The following CLVS1 variants were observed in gnomAD, a reference collection of about 807,000 sequenced individuals.
The protein encoded by CLVS1 is clavesin-1.
CLVS1 carries 10 observed loss-of-function variants against 33.1 expected under a neutral mutation model. That is an observed-to-expected ratio of 0.30 (90% CI 0.19 to 0.51). The LOEUF (loss-of-function observed/expected upper bound fraction) is 0.51, where lower values mean the gene tolerates loss of function less well. Among genes scored for constraint, CLVS1 ranks in the 20% least tolerant of loss-of-function variants. The probability of loss-of-function intolerance (pLI) is 0.97; values close to 1 mark genes in which losing one functional copy is unlikely to be tolerated. For synonymous variants in CLVS1, 163 were observed against 166.1 expected (o/e 0.98, Z 0.14); for missense variants, 343 against 433.4 (o/e 0.79, Z 1.85).
intron 3 of CLVS1, among the ~76,000 whole-genome samples, chr8:61,385,811 G>A (rs576251656): frequency 7.2e-4 from 110 of 152,220 alleles, no homozygotes; most frequent in African/African-American, 2.6e-3. Flanking sequence ...AGGAGTGAGG[G>A]GATTGAGGGG....
intron 2 of CLVS1, among the ~76,000 whole-genome samples, chr8:61,226,537 T>C (rs1808333125): frequency 6.6e-6 from 1 of 152,240 alleles, no homozygotes; most frequent in South Asian, 2.1e-4. Flanking sequence ...ATAGCTGACT[T>C]TGTGGAACCT....
intron 2 of CLVS1, among the ~76,000 whole-genome samples, chr8:61,233,686 A>G (rs1808494421): frequency 6.6e-6 from 1 of 152,188 alleles, no homozygotes; most frequent in Non-Finnish European, 1.5e-5. Flanking sequence ...TCTCACTGCC[A>G]GGTCTCCTCT....
intron 2 of CLVS1, among the ~76,000 whole-genome samples, chr8:61,328,529 C>T (rs1011358856): frequency 2.7e-5 from 4 of 146,220 alleles, no homozygotes; most frequent in African/African-American, 1.0e-4. Context: ...CTTGCCCAGT[C>T]TTTTTTTTTT....
intron 2 of CLVS1, among the ~76,000 whole-genome samples, chr8:61,231,297 C>T (rs973127541): frequency 4.6e-5 from 7 of 151,928 alleles, no homozygotes; most frequent in Non-Finnish European, 1.0e-4. Context: ...CACACACACA[C>T]ACACACACAC....
chr8:61,298,458 C>T (rs536827940), intron 1 of CLVS1, among the ~76,000 whole-genome samples: 33 of 152,014 alleles, frequency 2.2e-4, no homozygotes, highest in Middle Eastern at 3.4e-3. Context: ...TTATCTCCTC[C>T]GTATCCAAAG....
At chr8:61,004,248 T>C in the CLVS1 span, among the ~76,000 whole-genome samples, 1 of 152,218 alleles carries the variant, frequency 6.6e-6, no homozygotes, top group Non-Finnish European at 1.5e-5. Flanking sequence ...CTCCTTTATA[T>C]AACTTGGGTG....
upstream of CLVS1, among the ~76,000 whole-genome samples, chr8:61,056,932 G>T (rs1465275272): frequency 1.3e-5 from 2 of 152,122 alleles, no homozygotes; most frequent in East Asian, 3.8e-4. Flanking sequence ...AAGCGCCAGG[G>T]CCTTTGTCAG....
At chr8:61,054,662 G>T (rs191928836), upstream of CLVS1, among the ~76,000 whole-genome samples, 443 of 152,202 alleles carry the variant, frequency 2.9e-3, no homozygotes, top group Middle Eastern at 0.017. Flanking sequence ...ACCTTTGGGT[G>T]TCTTCTCGGT....
At chr8:61,276,969 C>T (rs1420330148) in intron 2 of CLVS1, among the ~76,000 whole-genome samples, 1 of 152,200 alleles carries the variant, frequency 6.6e-6, no homozygotes, top group East Asian at 1.9e-4. Flanking sequence ...TGCCTTGTTC[C>T]TTACCCTTTT....
rs74794040 is a variant in CLVS1 at position 61,162,644 on chromosome 8, G to A, written c.-152+30784G>A. 4.3e-3 allele frequency among the ~76,000 whole-genome samples: 660 copies of A among 152,356 alleles called. 5 individuals carry two copies. The highest frequency in any genetic ancestry group is 0.015 in the African/African-American group (615 of 41,576). On this transcript the variant is annotated intron_variant, in intron 2 of 2. Transcript: ENST00000522621. Reference sequence around the variant, plus strand: ...GGTCCTTGGGTATAGCAACTCCAGTGTATTTTTAGTATGAGCACTCATCTT... The same window carrying A: ...GGTCCTTGGGTATAGCAACTCCAGTATATTTTTAGTATGAGCACTCATCTT...
At chr8:61,339,737 G>C (rs1174371930) in intron 2 of CLVS1, among the ~76,000 whole-genome samples, 3 of 149,200 alleles carry the variant, frequency 2.0e-5, no homozygotes. Context: ...AGGAGGGAGA[G>C]AGAAAGAGAG....
chr8:61,484,167 A>G (rs1352869010), intron 5 of CLVS1, among the ~76,000 whole-genome samples: 2 of 152,220 alleles, frequency 1.3e-5, no homozygotes, highest in Non-Finnish European at 2.9e-5. Context: ...CTGTTTGCAC[A>G]TGACATGATT....
intron 3 of CLVS1, among the ~76,000 whole-genome samples, chr8:61,418,078 G>T (rs1815512745): frequency 6.6e-6 from 1 of 152,240 alleles, no homozygotes; most frequent in Non-Finnish European, 1.5e-5. Flanking sequence ...CTGGAAGGGA[G>T]CCCGGCTCTG....
intron 1 of CLVS1, among the ~76,000 whole-genome samples, chr8:61,125,414 C>G (rs1805951578): frequency 6.6e-6 from 1 of 152,124 alleles, no homozygotes; most frequent in African/African-American, 2.4e-5. Flanking sequence ...AGGGGTTACT[C>G]AAAACTAAAA....
intron 3 of CLVS1, among the ~76,000 whole-genome samples, chr8:61,427,323 A>T (rs1024551862): frequency 8.6e-5 from 13 of 151,890 alleles, no homozygotes; most frequent in Non-Finnish European, 1.5e-4. Flanking sequence ...CCTTTTTCTC[A>T]GTGGCAGACT....
chr8:61,419,208 C>T (rs1447486330), intron 3 of CLVS1, among the ~76,000 whole-genome samples: 1 of 151,992 alleles, frequency 6.6e-6, no homozygotes, highest in African/African-American at 2.4e-5. Flanking sequence ...ACCAGCCTGA[C>T]TAATGTGGTG....
intron 1 of CLVS1, among the ~76,000 whole-genome samples, chr8:61,092,269 C>A (rs779974165): frequency 6.6e-5 from 10 of 152,100 alleles, no homozygotes; most frequent in Non-Finnish European, 1.3e-4. Context: ...GTCAGGAAAC[C>A]AGGCATGTAG....
At chr8:61,373,739 AC>A (rs1813531558) in intron 2 of CLVS1, among the ~76,000 whole-genome samples, 3 of 152,020 alleles carry the variant, frequency 2.0e-5, no homozygotes, top group Admixed American at 2.0e-4. Context: ...TTTGTTAACT[AC>A]CTTTTGGTGT....
intron 3 of CLVS1, among the ~76,000 whole-genome samples, chr8:61,438,071 A>G (rs998187763): frequency 2.7e-5 from 4 of 149,646 alleles, no homozygotes; most frequent in African/African-American, 1.0e-4. Flanking sequence ...CACAATATGC[A>G]GGTTTGTTAC....
Sources: allele counts gnomAD v4.1 joint callset (sites outside exome capture counted in the v4.1 genomes callset), GRCh38; gene constraint gnomAD v4.1.1; transcripts MANE v1.5; gene names NCBI Gene and HGNC (gene_info 2026-07-23, HGNC 2026-07-21).